The following ZSWIM6 variants were observed in gnomAD, a reference collection of about 807,000 sequenced individuals.
ZSWIM6 encodes the protein zinc finger SWIM-type containing 6.
ZSWIM6 carries 9 observed loss-of-function variants against 113.2 expected under a neutral mutation model. That is an observed-to-expected ratio of 0.08 (90% CI 0.05 to 0.14). The LOEUF is 0.14. ZSWIM6 is among the 10% of genes least tolerant of loss of function. The probability of loss-of-function intolerance (pLI) is 1.00; values close to 1 mark genes in which losing one functional copy is unlikely to be tolerated. For missense variants in ZSWIM6, 1,162 were observed against 1,552.2 expected, an observed-to-expected ratio of 0.75 and a Z score of 4.22; for synonymous variants, 611 against 606.5, an observed-to-expected ratio of 1.01 and a Z score of -0.11.
At chr5:61,360,715 ATC>A (rs1165383501) in intron 1 of ZSWIM6, among the ~76,000 whole-genome samples, 1 of 152,138 alleles carries the variant, frequency 6.6e-6, no homozygotes. Flanking sequence ...CCTTTGGAAT[ATC>A]TCTCTTCAAG....
At chr5:61,442,191 G>A (rs1009783173) in intron 1 of ZSWIM6, among the ~76,000 whole-genome samples, 10 of 152,124 alleles carry the variant, frequency 6.6e-5, no homozygotes, top group Non-Finnish European at 1.3e-4. Context: ...TGGGAGGTCT[G>A]ATGGTTGGTT....
intron 1 of ZSWIM6, among the ~76,000 whole-genome samples, chr5:61,388,996 A>G (rs1745646113): frequency 6.6e-6 from 1 of 152,152 alleles, no homozygotes; most frequent in African/African-American, 2.4e-5. Context: ...AGTTCTGTAA[A>G]TGCATTTTGG....
chr5:61,436,400 ATTTC>A (rs1301819569), intron 1 of ZSWIM6, among the ~76,000 whole-genome samples: 1 of 151,930 alleles, frequency 6.6e-6, no homozygotes, highest in Non-Finnish European at 1.5e-5. Flanking sequence ...TTTTTAGTTT[ATTTC>A]TTAAGATCTT....
chr5:61,440,141 A>G (rs1175571894), intron 1 of ZSWIM6, among the ~76,000 whole-genome samples: 2 of 152,102 alleles, frequency 1.3e-5, no homozygotes, highest in African/African-American at 4.8e-5. Context: ...GCGCGAGAGT[A>G]TATTAAGTAT....
intron 10 of ZSWIM6, among the ~76,000 whole-genome samples, chr5:61,537,666 G>A (rs1749615180): frequency 6.6e-6 from 1 of 152,154 alleles, no homozygotes; most frequent in African/African-American, 2.4e-5. Context: ...AATAAAAGGA[G>A]AAGAGAATGA....
intron 1 of ZSWIM6, among the ~76,000 whole-genome samples, chr5:61,367,324 T>C (rs1380534156): frequency 1.3e-5 from 2 of 152,224 alleles, no homozygotes; most frequent in South Asian, 2.1e-4. Flanking sequence ...GGTGCAGTTA[T>C]AGCTCACTGC....
At chr5:61,337,116 A>G (rs748312640) in intron 1 of ZSWIM6, among the ~76,000 whole-genome samples, 12 of 152,140 alleles carry the variant, frequency 7.9e-5, no homozygotes, top group Non-Finnish European at 1.2e-4. Context: ...CCTCATCTCT[A>G]CTAAAAATAC....
intron 1 of ZSWIM6, among the ~76,000 whole-genome samples, chr5:61,455,264 G>A (rs1047868931): frequency 6.6e-6 from 1 of 152,000 alleles, no homozygotes; most frequent in Admixed American, 6.6e-5. Flanking sequence ...CTAGTTCATG[G>A]CACTTTTGTG....
chr5:61,332,349 G>C lies in ZSWIM6; in HGVS notation c.77G>C (p.Gly26Ala), dbSNP rs1744267924. 2 of 1,027,440 alleles carry C rather than the reference G, an allele frequency of 1.9e-6. No homozygotes were observed. The highest frequency in any genetic ancestry group is 2.4e-6 in the Non-Finnish European group (2 of 843,282). 63.6% of individuals were successfully genotyped at this position (1,027,440 alleles called of 1,614,324 possible). A position where few individuals can be genotyped will look rare whatever the true frequency, so the allele number is the denominator to read the frequency against. ...CRPGGGGGGG[G>A]SSGGGGGAGG... ...CCGGGCGGCGGCGGCGGCGGCGGGGGCAGCAGCGGCGGCGGCGGCGGCGCG... is the reference window on the plus strand; with the variant it reads ...CCGGGCGGCGGCGGCGGCGGCGGGGCCAGCAGCGGCGGCGGCGGCGGCGCG... The change falls in exon 1 of 14, where the codon GGC becomes GCC. Residue 26 changes from glycine to alanine, a missense_variant. Transcript: ENST00000252744.
chr5:61,466,765 G>A (rs867527617), intron 1 of ZSWIM6, among the ~76,000 whole-genome samples: 9 of 151,992 alleles, frequency 5.9e-5, no homozygotes, highest in Non-Finnish European at 1.3e-4. Flanking sequence ...TTTAGAAATT[G>A]TGTATTTTAA....
intron 1 of ZSWIM6, among the ~76,000 whole-genome samples, chr5:61,363,572 AT>A (rs1264014892): frequency 6.6e-6 from 1 of 152,130 alleles, no homozygotes; most frequent in Non-Finnish European, 1.5e-5. Context: ...CTGGTATCAT[AT>A]TACGGAAACT....
intron 1 of ZSWIM6, among the ~76,000 whole-genome samples, chr5:61,471,964 T>C (rs1277101609): frequency 6.6e-6 from 1 of 151,986 alleles, no homozygotes; most frequent in African/African-American, 2.4e-5. Context: ...TAACTGTACA[T>C]CTGTATAGCT....
rs769068883 is a variant in ZSWIM6 at position 61,343,778 on chromosome 5, AGTT to A, written c.676+10834_676+10836del. On this transcript the variant is annotated intron_variant, in intron 1 of 13. Transcript: ENST00000252744. ...AACCCAAATATCATGTTTGTAATCT[AGTT>A]GTTTTATGTGAGCAAACTTTTAAAT... is the stretch of plus-strand genomic sequence containing the variant. Among the ~76,000 whole-genome samples, 124 of 152,234 alleles carry A rather than the reference AGTT, an allele frequency of 8.1e-4. 1 individual carries two copies. Among genetic ancestry groups the A allele is most frequent in the South Asian group, 3.5e-3 (17 of 4,830 alleles).
At chr5:61,384,513 C>G (rs1016879872) in intron 1 of ZSWIM6, among the ~76,000 whole-genome samples, 1 of 152,144 alleles carries the variant, frequency 6.6e-6, no homozygotes, top group Non-Finnish European at 1.5e-5. Flanking sequence ...ACCTGATGAA[C>G]AGTTGAGTCT....
chr5:61,373,420 C>T (rs1205997068), intron 1 of ZSWIM6, among the ~76,000 whole-genome samples: 4 of 148,978 alleles, frequency 2.7e-5, no homozygotes, highest in African/African-American at 7.5e-5. Flanking sequence ...CTCTGTCGCC[C>T]AGGCTGGAGT....
intron 12 of ZSWIM6, among the ~76,000 whole-genome samples, chr5:61,540,248 C>T (rs1295548831): frequency 6.6e-6 from 1 of 152,060 alleles, no homozygotes; most frequent in Non-Finnish European, 1.5e-5. Context: ...GGCCAGAGTC[C>T]AGTTTTAGAT....
intron 5 of ZSWIM6, 36 bp downstream of exon 5, chr5:61,521,478 T>C (rs1458548508): frequency 7.2e-7 from 1 of 1,382,808 alleles, no homozygotes; most frequent in South Asian, 1.8e-5. Flanking sequence ...AAATTGTAGC[T>C]ACTTAATTAT....
In ZSWIM6 at chr5:61,332,848, G is replaced by T; in HGVS notation, c.576G>T (p.Gly192=). The change falls in exon 1 of 14, where the codon GGG becomes GGT. Residue 192 remains glycine (G), a synonymous_variant. Transcript: ENST00000252744. ...AAAGAGAPSV[G]AAGAADGGDE... is the part of the protein sequence containing the mutation. ...CGGGGGCCGGGGCCCCGTCGGTGGG[G>T]GCTGCCGGGGCGGCGGACGGCGGCG... The T allele has an allele frequency of 8.8e-7, 1 of 1,140,120 alleles. No homozygotes were observed. Among genetic ancestry groups the T allele is most frequent in the South Asian group, 2.4e-5 (1 of 41,682 alleles). 70.6% of individuals were successfully genotyped at this position (1,140,120 alleles called of 1,614,324 possible). A position where few individuals can be genotyped will look rare whatever the true frequency, so the allele number is the denominator to read the frequency against.
chr5:61,419,387 G>C (rs1302924562), intron 1 of ZSWIM6, among the ~76,000 whole-genome samples: 4 of 152,152 alleles, frequency 2.6e-5, no homozygotes, highest in African/African-American at 9.7e-5. Context: ...GAGTAAATCA[G>C]TGCTGTGCTC....
Sources: allele counts gnomAD v4.1 joint callset (sites outside exome capture counted in the v4.1 genomes callset), GRCh38; gene constraint gnomAD v4.1.1; transcripts MANE v1.5; gene names NCBI Gene and HGNC (gene_info 2026-07-23, HGNC 2026-07-21).